The following SOD2 variants were observed in gnomAD, a reference collection of about 807,000 sequenced individuals.
SOD2 encodes superoxide dismutase [Mn], mitochondrial.
Under a neutral mutation model 27.0 loss-of-function variants are expected in SOD2, and 11 were observed. The ratio of observed to expected loss-of-function variants is 0.41; its 90% CI spans 0.26 to 0.67. The LOEUF (loss-of-function observed/expected upper bound fraction) is 0.67, where lower values mean the gene tolerates loss of function less well. Among genes scored for constraint, SOD2 ranks in the 30% least tolerant of loss-of-function variants. SOD2 has a pLI of 0.34. For missense variants in SOD2, 250 were observed against 274.5 expected, an observed-to-expected ratio of 0.91 and a Z score of 0.63; for synonymous variants, 105 against 103.0, an observed-to-expected ratio of 1.02 and a Z score of -0.12.
chr6:159,734,345 C>G, intron 1 of SOD2, among the ~76,000 whole-genome samples: 1 of 149,110 alleles, frequency 6.7e-6, no homozygotes. Context: ...CCACAGCACT[C>G]CAGCCTGGCA....
In SOD2 at chr6:159,682,336, TAAG is replaced by T; in HGVS notation, c.*154_*156del. On this transcript the variant is annotated 3_prime_UTR_variant, in exon 5 of 5. Transcript: ENST00000538183. ...ACTTGCCCAATAACAAAATGTTTAGTAAGAAATTATTCAGAACATTAAGTTGTT... is the reference window on the plus strand; with the variant it reads ...ACTTGCCCAATAACAAAATGTTTAGTAAATTATTCAGAACATTAAGTTGTT... The T allele has an allele frequency of 1.9e-6, 1 of 523,676 alleles. No homozygotes were observed. Among genetic ancestry groups the T allele is most frequent in the Non-Finnish European group, 3.1e-6 (1 of 321,848 alleles). The allele number at this position is 523,676 out of a possible 1,614,324, so 32.4% of individuals were successfully genotyped here. A position where few individuals can be genotyped will look rare whatever the true frequency, so the allele number is the denominator to read the frequency against.
At chr6:159,685,834 G>A (rs925068728) in intron 3 of SOD2, among the ~76,000 whole-genome samples, 37 of 152,106 alleles carry the variant, frequency 2.4e-4, no homozygotes, top group African/African-American at 7.2e-4. Context: ...CTCCAGCTGC[G>A]TAGTTCACAT....
chr6:159,701,932 TAGA>T, intron 1 of SOD2, among the ~76,000 whole-genome samples: 1 of 152,170 alleles, frequency 6.6e-6, no homozygotes. Flanking sequence ...CCTTTACAGT[TAGA>T]AAGTGCTATA....
intron 1 of SOD2, among the ~76,000 whole-genome samples, chr6:159,701,417 G>A (rs375400994): frequency 5.9e-5 from 9 of 152,088 alleles, no homozygotes; most frequent in South Asian, 2.1e-4. Flanking sequence ...AAAAGGTCAC[G>A]GGACCAAGCT....
chr6:159,696,439 C>T (rs963584576), upstream of SOD2, among the ~76,000 whole-genome samples: 60 of 152,132 alleles, frequency 3.9e-4, no homozygotes, highest in Admixed American at 3.5e-3. Flanking sequence ...CCTGCCTTAG[C>T]CTCCTGAGTA....
intron 1 of SOD2, among the ~76,000 whole-genome samples, chr6:159,714,570 G>A (rs12192160): frequency 0.013 from 1,940 of 152,242 alleles, 22 homozygotes; most frequent in Middle Eastern, 0.02. Context: ...ATCGCCAGGC[G>A]GTACTCTTTC....
upstream of SOD2, among the ~76,000 whole-genome samples, chr6:159,694,593 ATTTAT>A (rs1336299472): frequency 6.6e-6 from 1 of 151,830 alleles, no homozygotes; most frequent in Non-Finnish European, 1.5e-5. Context: ...TATTTTTTTA[ATTTAT>A]TATTTATTTA....
exon 1 of SOD2, chr6:159,762,046 G>A (rs368969365): frequency 1.9e-6 from 3 of 1,608,442 alleles, no homozygotes; most frequent in South Asian, 1.1e-5. Context: ...GCTTTGCCTA[G>A]CTTGCAGGCA....
At chr6:159,695,258 T>C (rs1777400840), upstream of SOD2, among the ~76,000 whole-genome samples, 1 of 152,196 alleles carries the variant, frequency 6.6e-6, no homozygotes, top group Admixed American at 6.5e-5. Flanking sequence ...GGCTACTTAC[T>C]TGCACTTCTT....
chr6:159,726,953 G>A (rs962332424), intron 1 of SOD2: 2 of 1,287,602 alleles, frequency 1.6e-6, no homozygotes, highest in East Asian at 5.5e-5. Context: ...TCACGGATGA[G>A]CGTCACGAAC....
intron 1 of SOD2, chr6:159,755,330 C>A: frequency 6.2e-7 from 1 of 1,614,250 alleles, no homozygotes. Flanking sequence ...AGATGACTTT[C>A]CTTCTTCTCC....
At chr6:159,727,697 T>C, upstream of SOD2, 1 of 982,960 alleles carries the variant, frequency 1.0e-6, no homozygotes, top group Non-Finnish European at 1.2e-6. Context: ...GGCTTCTGCC[T>C]GGAGAGGTAG....
At chr6:159,755,089 A>C in intron 1 of SOD2, 2 of 1,614,214 alleles carry the variant, frequency 1.2e-6, no homozygotes, top group Non-Finnish European at 1.7e-6. Context: ...GTACCATTCT[A>C]GTTCTGCAGC....
chr6:159,732,886 A>AGTGTGTGTGTGTGTGTGTGTGTGTGT (rs67554039), intron 1 of SOD2, among the ~76,000 whole-genome samples: 3 of 146,380 alleles, frequency 2.0e-5, no homozygotes, highest in African/African-American at 7.8e-5. Flanking sequence ...ATATATATAT[A>AGTGTGTGTGTGTGTGTGTGTGTGTGT]GTGTGTGTGT....
chr6:159,732,051 C>A (rs1778604778), upstream of SOD2, among the ~76,000 whole-genome samples: 1 of 152,114 alleles, frequency 6.6e-6, no homozygotes, highest in Admixed American at 6.5e-5. Flanking sequence ...AAAATCCTGG[C>A]ATAGGAATTT....
At chr6:159,744,515 A>G (rs1054907757) in intron 1 of SOD2, among the ~76,000 whole-genome samples, 2 of 104,038 alleles carry the variant, frequency 1.9e-5, no homozygotes, top group Non-Finnish European at 4.0e-5. Context: ...CCAAAAATCT[A>G]TGGGCACAGT....
intron 1 of SOD2, chr6:159,755,767 T>TTTC (rs1779989198): frequency 8.7e-6 from 3 of 343,092 alleles, no homozygotes; most frequent in Non-Finnish European, 1.2e-5. Context: ...TTTCTTTTCT[T>TTTC]TTTTTTTTTT....
At chr6:159,755,583 G>A in intron 1 of SOD2, 1 of 1,613,262 alleles carries the variant, frequency 6.2e-7, no homozygotes, top group Non-Finnish European at 8.5e-7. Flanking sequence ...TTGGACTCAA[G>A]TGTAAATGTA....
chr6:159,761,573 G>C, exon 1 of SOD2: 1 of 456,252 alleles, frequency 2.2e-6, no homozygotes, highest in Non-Finnish European at 4.4e-6. Context: ...TCAGAGCTGT[G>C]CTGAGACCCG....
Sources: gnomAD v4.1 joint callset for allele counts (sites outside exome capture counted in the v4.1 genomes callset) on GRCh38, gnomAD v4.1.1 for gene constraint, MANE v1.5 for transcripts, NCBI Gene and HGNC (gene_info 2026-07-23, HGNC 2026-07-21) for gene names.